TCF20: variants seen among roughly 807,000 people sequenced by gnomAD.
TCF20 encodes the protein SPRE-binding protein.
In TCF20, 3 loss-of-function variants were observed where a neutral mutation model predicts 148.6. That is an observed-to-expected ratio of 0.02 (90% CI 0.01 to 0.05). The LOEUF (loss-of-function observed/expected upper bound fraction) is 0.05, where lower values mean the gene tolerates loss of function less well. Ranked by LOEUF, TCF20 falls within the 10% of genes least tolerant of loss-of-function variation. The pLI is 1.00. For synonymous variants in TCF20, 1,049 were observed against 909.5 expected (o/e 1.15, Z -2.76); for missense variants, 2,350 against 2,429.3 (o/e 0.97, Z 0.69).
intron 1 of TCF20, among the ~76,000 whole-genome samples, chr22:42,331,733 G>A (rs1035147344): frequency 6.6e-6 from 1 of 152,248 alleles, no homozygotes; most frequent in Non-Finnish European, 1.5e-5. Context: ...TGCAGAACCT[G>A]CCTTGTAGTC....
Position 42,246,036 on chromosome 22 carries a change from C to T in TCF20, c.-37+24303G>A, listed in dbSNP as rs542507289. Reference sequence around the variant, plus strand: ...CCAAACTCTGAAAAATGGTGCTTCTCAGTCGTTTCCCCATTTGGTTTCTTT... The same window carrying T: ...CCAAACTCTGAAAAATGGTGCTTCTTAGTCGTTTCCCCATTTGGTTTCTTT... On this transcript the variant is annotated intron_variant, in intron 1 of 5. Coordinates refer to ENST00000677622, the MANE Select transcript of TCF20 (RefSeq NM_001378418.1). Among the ~76,000 whole-genome samples the T allele has an allele frequency of 1.4e-4, 21 of 152,328 alleles. No individual in the cohort carries two copies. In the South Asian group the frequency reaches 2.5e-3, roughly 18 times the overall value.
At chr22:42,250,544 C>A (rs1925280338) in intron 1 of TCF20, among the ~76,000 whole-genome samples, 1 of 151,430 alleles carries the variant, frequency 6.6e-6, no homozygotes, top group African/African-American at 2.4e-5. Flanking sequence ...CTCTGCTCTT[C>A]AGGAGACTGC....
intron 1 of TCF20, among the ~76,000 whole-genome samples, chr22:42,235,159 G>T (rs111955129): frequency 8.5e-6 from 1 of 118,046 alleles, no homozygotes; most frequent in South Asian, 2.6e-4. Flanking sequence ...AAAAAAAAAA[G>T]AACTTTGTAA....
intron 1 of TCF20, among the ~76,000 whole-genome samples, chr22:42,325,707 CCT>C (rs991528502): frequency 3.9e-5 from 6 of 152,272 alleles, no homozygotes; most frequent in African/African-American, 1.4e-4. Flanking sequence ...AGGACGGCAC[CCT>C]GAGGCTACGC....
At chr22:42,181,432 CTGCTGCCACT>C (rs148029248) in intron 2 of TCF20, among the ~76,000 whole-genome samples, 2,857 of 152,194 alleles carry the variant, frequency 0.019, 83 homozygotes, top group African/African-American at 0.065. Flanking sequence ...ATCTGGCCTC[CTGCTGCCACT>C]TTCTTACTCA....
intron 1 of TCF20, among the ~76,000 whole-genome samples, chr22:42,261,643 T>C (rs142088714): frequency 2.9e-4 from 44 of 152,222 alleles, no homozygotes; most frequent in Non-Finnish European, 1.2e-4. Context: ...ATTCAACAAA[T>C]ATCCTGAAGG....
intron 3 of TCF20, 103 bp downstream of exon 3, chr22:42,179,506 A>G (rs1601532938): frequency 7.8e-6 from 6 of 767,864 alleles, no homozygotes; most frequent in Admixed American, 2.8e-5. Flanking sequence ...AAAAAAAAAA[A>G]AAAAAGAAAA....
At chr22:42,185,299 A>ATTTC (rs1678065772) in intron 2 of TCF20, among the ~76,000 whole-genome samples, 1 of 152,082 alleles carries the variant, frequency 6.6e-6, no homozygotes, top group Non-Finnish European at 1.5e-5. Context: ...TTACTTACTC[A>ATTTC]TGTTTGTCCA....
At chr22:42,253,402 A>T (rs1294965219) in intron 1 of TCF20, among the ~76,000 whole-genome samples, 2 of 152,226 alleles carry the variant, frequency 1.3e-5, no homozygotes, top group African/African-American at 4.8e-5. Flanking sequence ...ATAGAAAAAA[A>T]AATAAAGTAG....
chr22:42,283,365 C>CGGCGG (rs1926951180), intron 1 of TCF20, among the ~76,000 whole-genome samples: 1 of 151,692 alleles, frequency 6.6e-6, no homozygotes, highest in Admixed American at 6.6e-5. Flanking sequence ...TGGCTGCGCA[C>CGGCGG]GGCGGCTGGA....
intron 1 of TCF20, among the ~76,000 whole-genome samples, chr22:42,328,030 A>G (rs1294236061): frequency 6.6e-6 from 1 of 151,900 alleles, no homozygotes; most frequent in Non-Finnish European, 1.5e-5. Flanking sequence ...TTCAGTCTTC[A>G]CAGCCCTTAT....
At chr22:42,305,868 G>C (rs1927422417) in intron 1 of TCF20, among the ~76,000 whole-genome samples, 1 of 152,014 alleles carries the variant, frequency 6.6e-6, no homozygotes, top group Non-Finnish European at 1.5e-5. Flanking sequence ...CTCAAAGCTG[G>C]AGGGCAGGAA....
chr22:42,193,646 T>C (rs1243815079), intron 2 of TCF20, among the ~76,000 whole-genome samples: 1 of 152,174 alleles, frequency 6.6e-6, no homozygotes, highest in African/African-American at 2.4e-5. Flanking sequence ...TAAGTGTCTA[T>C]TGTTAGGACA....
In TCF20 at chr22:42,205,117, G is replaced by A. The variant is rs559334464; in HGVS notation, c.5655+4534C>T. 5.3e-4 allele frequency among the ~76,000 whole-genome samples: 81 copies of A among 152,292 alleles called. No homozygotes were observed. The South Asian group carries it at 0.016, about 30-fold the overall frequency. ...CTCAAAGGTGATTTGTACATACCAA[G>A]TTATATCCATACCCATTCAGAGGCA... On this transcript the variant is annotated intron_variant, in intron 2 of 5. Transcript: ENST00000677622.
intron 3 of TCF20, among the ~76,000 whole-genome samples, chr22:42,178,835 C>A (rs895778720): frequency 2.6e-5 from 4 of 151,588 alleles, no homozygotes; most frequent in Non-Finnish European, 4.4e-5. Flanking sequence ...GCCCGGCCTA[C>A]AAATAATTCT....
In TCF20 at chr22:42,213,078, T is replaced by C; in HGVS notation, c.2228A>G (p.Lys743Arg). Residue 743 changes from lysine (K) to arginine (R), a missense_variant, in exon 2 of 6, where the codon AAG (lysine) becomes AGG (arginine). Coordinates refer to ENST00000677622, the MANE Select transcript of TCF20 (RefSeq NM_001378418.1). The stretch of plus-strand genomic sequence containing the variant: ...GCTTGGGAATTTTTCATTTCTACCC[T>C]TTCGTTCCCCATGGCCAGTGAAATC... ...KGDFTGHGER[K>R]GRNEKFPSLL... The C allele has an allele frequency of 6.2e-7, 1 of 1,614,186 alleles. No individual in the cohort carries two copies. Among genetic ancestry groups the C allele is most frequent in the Non-Finnish European group, 8.5e-7 (1 of 1,180,024 alleles).
chr22:42,196,850 C>A (rs935628810), intron 2 of TCF20, among the ~76,000 whole-genome samples: 13 of 152,320 alleles, frequency 8.5e-5, no homozygotes, highest in African/African-American at 3.1e-4. Context: ...AAGGGACTAG[C>A]ACCACTTCAG....
intron 1 of TCF20, among the ~76,000 whole-genome samples, chr22:42,301,210 A>G (rs6002676): frequency 0.68 from 102,684 of 152,082 alleles, 35,554 homozygotes; most frequent in African/African-American, 0.83. Context: ...GGAGGTGTGT[A>G]AGCAGGAGAG....
chr22:42,326,684 C>A (rs894781547), intron 1 of TCF20, among the ~76,000 whole-genome samples: 1 of 152,262 alleles, frequency 6.6e-6, no homozygotes, highest in African/African-American at 2.4e-5. Context: ...CCCCTCTGGG[C>A]CTCAGTTTCC....
Sources: gnomAD v4.1 joint callset for allele counts (sites outside exome capture counted in the v4.1 genomes callset) on GRCh38, gnomAD v4.1.1 for gene constraint, MANE v1.5 for transcripts, NCBI Gene and HGNC (gene_info 2026-07-23, HGNC 2026-07-21) for gene names.